The following SLIT1 variants were observed in gnomAD, a reference collection of about 807,000 sequenced individuals.
SLIT1 encodes the protein slit guidance ligand 1.
A neutral mutation model predicts 186.1 loss-of-function variants in SLIT1; 66 were observed. The observed-to-expected ratio is 0.35, with a 90% CI of 0.29 to 0.44. SLIT1 has a LOEUF of 0.44. Among genes scored for constraint, SLIT1 ranks in the 20% least tolerant of loss-of-function variants. SLIT1 has a pLI of 1.00. For missense variants in SLIT1, 1,638 were observed against 2,037.4 expected, an observed-to-expected ratio of 0.80 and a Z score of 3.77; for synonymous variants, 761 against 833.8, an observed-to-expected ratio of 0.91 and a Z score of 1.50.
intron 4 of SLIT1, among the ~76,000 whole-genome samples, chr10:97,079,204 T>C (rs962398167): frequency 3.9e-5 from 6 of 152,170 alleles, no homozygotes; most frequent in Admixed American, 6.5e-5. Context: ...GTACCACTTA[T>C]ATAAAGCTCA....
At chr10:97,039,224 G>A (rs1757171396) in intron 21 of SLIT1, among the ~76,000 whole-genome samples, 1 of 152,258 alleles carries the variant, frequency 6.6e-6, no homozygotes, top group African/African-American at 2.4e-5. Context: ...AGCACAGGAA[G>A]AGGTCAGAGG....
chr10:97,006,531 C>T lies in SLIT1; in HGVS notation c.3531G>A (p.Leu1177=). Residue 1177 remains leucine, a synonymous_variant, in exon 32 of 37, where the codon CTG becomes CTA. Coordinates refer to ENST00000266058, the MANE Select transcript of SLIT1 (RefSeq NM_003061.3). The surrounding 1 kb of genome is among the most constrained non-coding windows in gnomAD (Gnocchi z 4.0). ...GCCAGTTTTGCAGGTCAGTGAACTG[C>T]AGGTAAGTGTCCCGATCCACAAAGT... The part of the protein sequence containing the change: ...SVNFVDRDTY[L]QFTDLQNWPR... 6.2e-7 allele frequency: 1 copy of T among 1,614,214 alleles called. No individual in the cohort carries two copies. Among genetic ancestry groups the T allele is most frequent in the Non-Finnish European group, 8.5e-7 (1 of 1,180,020 alleles).
chr10:97,056,627 G>A (rs1358860156), intron 12 of SLIT1, among the ~76,000 whole-genome samples, 163 bp from the exon 13 acceptor site: 1 of 152,202 alleles, frequency 6.6e-6, no homozygotes, highest in Admixed American at 6.5e-5. Context: ...CCACGGAGAG[G>A]GGCCCGGAAC....
intron 4 of SLIT1, among the ~76,000 whole-genome samples, chr10:97,129,064 G>A (rs1262988451): frequency 6.6e-6 from 1 of 152,158 alleles, no homozygotes; most frequent in African/African-American, 2.4e-5. Context: ...TGTCCCTGGG[G>A]AAATTGCACA....
intron 4 of SLIT1, among the ~76,000 whole-genome samples, chr10:97,100,311 G>A (rs1166243180): frequency 6.6e-6 from 1 of 152,184 alleles, no homozygotes; most frequent in Non-Finnish European, 1.5e-5. Context: ...AGCAAGAGAT[G>A]CATTGATTGT....
chr10:97,173,918 C>G (rs1850223863), intron 1 of SLIT1, among the ~76,000 whole-genome samples: 1 of 152,182 alleles, frequency 6.6e-6, no homozygotes, highest in Non-Finnish European at 1.5e-5. Flanking sequence ...ATAATTATTC[C>G]TCAGCCCTTT....
chr10:97,034,639 T>G, intron 22 of SLIT1, 97 bp from the exon 23 acceptor site: 5 of 1,116,372 alleles, frequency 4.5e-6, no homozygotes, highest in Admixed American at 1.8e-5. Context: ...CCCAGGGCCA[T>G]TCCCCAGCCA....
At chr10:97,042,736 G>A (rs1848700141) in intron 20 of SLIT1, among the ~76,000 whole-genome samples, 165 bp downstream of exon 20, 1 of 152,122 alleles carries the variant, frequency 6.6e-6, no homozygotes, top group Non-Finnish European at 1.5e-5. Context: ...CCACCAGGCA[G>A]GCGCGTCTCC....
In SLIT1 at chr10:97,031,748, G is replaced by A. The variant is rs1589368207; in HGVS notation, c.2439-71C>T. 4.9e-6 allele frequency: 6 copies of A among 1,228,734 alleles called. No individual in the cohort carries two copies. The East Asian group carries it at 7.7e-5, about 16-fold the overall frequency. The allele number at this position is 1,228,734 out of a possible 1,614,324, so 76.1% of individuals were successfully genotyped here. A position where few individuals can be genotyped will look rare whatever the true frequency, so the allele number is the denominator to read the frequency against. ...CCCCTGTGGGCACAGCCGCCGCCCA[G>A]GACGTGGAGGTCCCTCTCACCCAGC... On this transcript the variant is annotated intron_variant, in intron 23 of 36. Coordinates refer to ENST00000266058, the MANE Select transcript of SLIT1 (RefSeq NM_003061.3).
intron 35 of SLIT1, 58 bp from the exon 36 acceptor site, chr10:97,002,427 A>G (rs1848319374): frequency 7.3e-7 from 1 of 1,361,614 alleles, no homozygotes; most frequent in South Asian, 1.4e-5. Context: ...CCCACCTGAC[A>G]CAGCCCGCCC....
chr10:97,117,705 T>C (rs182219287), intron 4 of SLIT1, among the ~76,000 whole-genome samples: 1 of 152,368 alleles, frequency 6.6e-6, no homozygotes, highest in Admixed American at 6.5e-5. Context: ...AGTCACTCAG[T>C]TACCAGCAAC....
At chr10:97,166,557 A>AGGAAGGAAGGAAGGAAGGAAAGAGAGAG (rs1283710320) in intron 1 of SLIT1, among the ~76,000 whole-genome samples, 2 of 55,218 alleles carry the variant, frequency 3.6e-5, no homozygotes, top group South Asian at 8.4e-4. Context: ...GAAGGAAGGA[A>AGGAAGGAAGGAAGGAAGGAAAGAGAGAG]AGAGAGAGAG....
At chr10:97,146,240 C>T (rs543767430) in intron 4 of SLIT1, among the ~76,000 whole-genome samples, 4 of 152,226 alleles carry the variant, frequency 2.6e-5, no homozygotes, top group Non-Finnish European at 5.9e-5. Flanking sequence ...TTGAGCTCCT[C>T]AAGATCCACT....
chr10:97,082,981 T>C (rs548401520), intron 4 of SLIT1, among the ~76,000 whole-genome samples: 1 of 152,334 alleles, frequency 6.6e-6, no homozygotes, highest in African/African-American at 2.4e-5. Context: ...GGCATAATTG[T>C]AGCTCACTGC....
intron 4 of SLIT1, among the ~76,000 whole-genome samples, chr10:97,118,392 C>A (rs772478258): frequency 1.3e-5 from 2 of 152,168 alleles, no homozygotes; most frequent in Non-Finnish European, 2.9e-5. Context: ...GGGGCACTGA[C>A]CTAGCCATGG....
intron 14 of SLIT1, among the ~76,000 whole-genome samples, chr10:97,048,238 A>G (rs1848753845): frequency 6.6e-6 from 1 of 152,142 alleles, no homozygotes; most frequent in African/African-American, 2.4e-5. Context: ...TCGAGCTCTC[A>G]CTCGCAATGG....
In SLIT1 at chr10:97,004,262, T is replaced by C; in HGVS notation, c.3711-40A>G. ...GGTTCCCCGTTCCAGGGAGTGGGCA[T>C]CAGTCTGGACCATCCCTGCCTGGGC... is the stretch of plus-strand genomic sequence containing the variant. On this transcript the variant is annotated intron_variant, in intron 33 of 36. Transcript: ENST00000266058. The surrounding 1 kb of genome is among the most constrained non-coding windows in gnomAD (Gnocchi z 5.1). The C allele has an allele frequency of 6.3e-7, 1 of 1,584,630 alleles. No homozygotes were observed. The highest frequency in any genetic ancestry group is 8.6e-7 in the Non-Finnish European group (1 of 1,157,770).
intron 4 of SLIT1, among the ~76,000 whole-genome samples, chr10:97,114,373 G>A (rs1410122998): frequency 2.0e-5 from 3 of 152,162 alleles, no homozygotes; most frequent in Non-Finnish European, 4.4e-5. Flanking sequence ...CAAAAGTACA[G>A]GCTGGGTGCA....
chr10:97,046,618 G>T (rs767808919), intron 18 of SLIT1, 36 bp downstream of exon 18: 2 of 1,560,256 alleles, frequency 1.3e-6, no homozygotes, highest in South Asian at 2.3e-5. Context: ...GCCTCCTGCA[G>T]CTGGCCCACC....
Sources: allele counts gnomAD v4.1 joint callset (sites outside exome capture counted in the v4.1 genomes callset), GRCh38; gene constraint gnomAD v4.1.1; non-coding constraint Gnocchi (gnomAD v3.1); transcripts MANE v1.5; gene names NCBI Gene and HGNC (gene_info 2026-07-23, HGNC 2026-07-21).